RNF41: variants seen among roughly 807,000 people sequenced by gnomAD.
RNF41 encodes the protein E3 ubiquitin-protein ligase NRDP1.
Under a neutral mutation model 33.0 loss-of-function variants are expected in RNF41, and 4 were observed. That is an observed-to-expected ratio of 0.12 (90% CI 0.06 to 0.28). The LOEUF (loss-of-function observed/expected upper bound fraction) is 0.28. Among genes scored for constraint, RNF41 ranks in the 10% least tolerant of loss-of-function variants. RNF41 has a pLI of 1.00. For missense variants in RNF41, 228 were observed against 432.6 expected (o/e 0.53, Z 4.19); for synonymous variants, 164 against 153.2 (o/e 1.07, Z -0.52).
rs1401298548 is a variant in RNF41 at position 56,210,528 on chromosome 12, G to C, written c.131C>G (p.Thr44Ser). The change falls in exon 4 of 7, where the codon ACC (threonine) becomes AGC (serine). Residue 44 changes from threonine to serine, a missense_variant. This residue lies in a region of RNF41 where 29 missense variants were observed against 98.0 expected (regional missense o/e 0.30). Transcript: ENST00000345093. ...TGTCTGTTGCTGAGAGAACCACTGGGTGATGCAGGCGTTGCAGAAAGCATG... is the reference window on the plus strand; with the variant it reads ...TGTCTGTTGCTGAGAGAACCACTGGCTGATGCAGGCGTTGCAGAAAGCATG... Reference protein sequence around the residue: ...CEHAFCNACITQWFSQQQTCP... With the variant: ...CEHAFCNACISQWFSQQQTCP... 6.2e-7 allele frequency: 1 copy of C among 1,614,002 alleles called. No individual in the cohort carries two copies. The highest frequency in any genetic ancestry group is 8.5e-7 in the Non-Finnish European group (1 of 1,180,040).
chr12:56,215,847 C>T (rs187067030), intron 2 of RNF41, among the ~76,000 whole-genome samples: 1 of 152,044 alleles, frequency 6.6e-6, no homozygotes, highest in Non-Finnish European at 1.5e-5. Flanking sequence ...ACTGGCTGGG[C>T]GCAGTGGCTC....
intron 1 of RNF41, 37 bp downstream of exon 1, chr12:56,221,720 CCCT>C (rs1210935101): frequency 6.6e-6 from 1 of 152,402 alleles, no homozygotes; most frequent in Non-Finnish European, 1.5e-5. Flanking sequence ...CCCTCCCACA[CCCT>C]CTTTTAGGTG....
At chr12:56,221,077 T>C (rs1869374258) in intron 1 of RNF41, among the ~76,000 whole-genome samples, 1 of 152,008 alleles carries the variant, frequency 6.6e-6, no homozygotes, top group Admixed American at 6.6e-5. Flanking sequence ...GGGGAAGCAG[T>C]CTGTCAATCC....
At chr12:56,208,325 G>A (rs937602375) in intron 4 of RNF41, 27 bp from the exon 5 acceptor site, 3 of 1,612,440 alleles carry the variant, frequency 1.9e-6, no homozygotes, top group Non-Finnish European at 2.5e-6. Flanking sequence ...GGAAAGAGCA[G>A]AACAGAGGTG....
At chr12:56,218,015 G>A (rs761527827) in intron 1 of RNF41, among the ~76,000 whole-genome samples, 3 of 152,062 alleles carry the variant, frequency 2.0e-5, no homozygotes, top group Non-Finnish European at 4.4e-5. Flanking sequence ...GTGCAATGGC[G>A]CGATCTTGGC....
At chr12:56,215,144 T>C (rs1326165158) in intron 2 of RNF41, among the ~76,000 whole-genome samples, 2 of 151,996 alleles carry the variant, frequency 1.3e-5, no homozygotes, top group Admixed American at 6.6e-5. Flanking sequence ...GAATTTCAAG[T>C]GATTCAAGAA....
rs1355462038 is a variant in RNF41, at chr12:56,210,536, G to A, written c.123C>T (p.Ala41=). Residue 41 remains alanine, a synonymous_variant, in exon 4 of 7, where the codon GCC becomes GCT. Transcript: ENST00000345093. ...APHCEHAFCN[A]CITQWFSQQQ... Reference sequence around the variant, plus strand: ...GCTGAGAGAACCACTGGGTGATGCAGGCGTTGCAGAAAGCATGTTCACAAT... The same window carrying A: ...GCTGAGAGAACCACTGGGTGATGCAAGCGTTGCAGAAAGCATGTTCACAAT... 2 of 1,613,712 alleles carry A rather than the reference G, an allele frequency of 1.2e-6. No individual in the cohort carries two copies. Among genetic ancestry groups the A allele is most frequent in the Non-Finnish European group, 1.7e-6 (2 of 1,180,038 alleles).
chr12:56,206,805 G>A lies in RNF41; in HGVS notation c.603-7C>T, dbSNP rs780074577. On this transcript the variant is annotated splice_region_variant and splice_polypyrimidine_tract_variant and intron_variant, in intron 6 of 6. Transcript: ENST00000345093. This position sits in a 1 kb window ranked among gnomAD's most constrained non-coding sequence, Gnocchi z 5.7. ...CTGAAGGGAGTTCACCCACCTGTGT[G>A]GAGGTGGTTAAAGATGGTCATTCCA... 2.5e-6 allele frequency: 4 copies of A among 1,599,728 alleles called. No individual in the cohort carries two copies. Among genetic ancestry groups the A allele is most frequent in the South Asian group, 2.2e-5 (2 of 90,216 alleles).
At chr12:56,216,177 G>C (rs111513197) in intron 2 of RNF41, among the ~76,000 whole-genome samples, 1 of 150,876 alleles carries the variant, frequency 6.6e-6, no homozygotes, top group African/African-American at 2.4e-5. Context: ...GTGTAGGCTT[G>C]AGCCCAATGA....
intron 5 of RNF41, 133 bp downstream of exon 5, chr12:56,208,030 G>A: frequency 9.1e-7 from 1 of 1,104,936 alleles, no homozygotes; most frequent in South Asian, 1.4e-5. Flanking sequence ...CTAAGCCACA[G>A]GCAGAATATC....
chr12:56,207,296 T>C (rs1202379127), intron 6 of RNF41: 2 of 1,344,288 alleles, frequency 1.5e-6, no homozygotes, highest in African/African-American at 1.5e-5. Flanking sequence ...TCCTCTTCTC[T>C]GGGTTGTAAG....
intron 1 of RNF41, among the ~76,000 whole-genome samples, chr12:56,218,712 A>AT (rs1027649162): frequency 2.4e-4 from 35 of 145,830 alleles, no homozygotes; most frequent in Admixed American, 6.2e-4. Context: ...TATATATGTT[A>AT]TTTTTTTTTT....
chr12:56,220,056 A>C (rs35382885), intron 1 of RNF41, among the ~76,000 whole-genome samples: 3,126 of 148,880 alleles, frequency 0.021, 104 homozygotes, highest in African/African-American at 0.074. Context: ...TAAATAAATA[A>C]ATATGAAAGG....
chr12:56,216,824 A>T (rs997436662), intron 1 of RNF41, among the ~76,000 whole-genome samples: 2 of 152,192 alleles, frequency 1.3e-5, no homozygotes, highest in Non-Finnish European at 2.9e-5. Flanking sequence ...GTAGATTTGA[A>T]CATAGCTGGG....
intron 1 of RNF41, among the ~76,000 whole-genome samples, chr12:56,219,658 T>TACAC (rs374004116): frequency 0.89 from 133,819 of 150,944 alleles, 61,046 homozygotes; most frequent in East Asian, 1. Context: ...TGTGTGTGTA[T>TACAC]ATATGTGTAT....
At chr12:56,220,627 A>C (rs1156395931) in intron 1 of RNF41, among the ~76,000 whole-genome samples, 1 of 151,748 alleles carries the variant, frequency 6.6e-6, no homozygotes, top group South Asian at 2.1e-4. Flanking sequence ...CCAGCTATTC[A>C]AGAGGCTGAG....
chr12:56,206,706 G>A lies in RNF41; in HGVS notation c.695C>T (p.Ser232Phe). The change falls in exon 7 of 7, where the codon TCC becomes TTC. Residue 232 changes from serine (S) to phenylalanine (F), a missense_variant. Ser to Phe is a radical substitution (Grantham distance 155). Coordinates refer to ENST00000345093, the MANE Select transcript of RNF41 (RefSeq NM_005785.4). The surrounding 1 kb of genome is among the most constrained non-coding windows in gnomAD (Gnocchi z 5.7). ...AGCAGGACAGCCACTCTCCACCAGG[G>A]AGCGCTTGATTACAGCCTGGAGCAC... ...DAVLQAVIKR[S>F]LVESGCPASI... The A allele has an allele frequency of 6.2e-7, 1 of 1,614,120 alleles. No individual in the cohort carries two copies. The highest frequency in any genetic ancestry group is 8.5e-7 in the Non-Finnish European group (1 of 1,180,024).
rs747957916 is a variant in RNF41 at position 56,207,662 on chromosome 12, A to G, written c.586T>C (p.Tyr196His). The part of the protein sequence containing the change: ...NLQNLEETIE[Y>H]NEILEWVNSL... The stretch of plus-strand genomic sequence containing the variant: ...GACACTCACTCTAGGATCTCGTTGT[A>G]TTCAATTGTCTCCTCCAGGTTCTGA... The change falls in exon 6 of 7, where the codon TAC (tyrosine) becomes CAC (histidine). Residue 196 changes from tyrosine to histidine, a missense_variant. Coordinates refer to ENST00000345093, the MANE Select transcript of RNF41 (RefSeq NM_005785.4). 2.3e-5 allele frequency: 37 copies of G among 1,613,056 alleles called. No individual in the cohort carries two copies. The highest frequency in any genetic ancestry group is 2.8e-5 in the Non-Finnish European group (33 of 1,179,158).
chr12:56,214,379 G>A (rs774809907), intron 2 of RNF41, among the ~76,000 whole-genome samples: 1 of 151,216 alleles, frequency 6.6e-6, no homozygotes, highest in Non-Finnish European at 1.5e-5. Flanking sequence ...AAATTAGCTG[G>A]GTGTGGTATG....
Sources: allele counts gnomAD v4.1 joint callset (sites outside exome capture counted in the v4.1 genomes callset), GRCh38; gene constraint gnomAD v4.1.1; regional missense constraint gnomAD v4.1.1; non-coding constraint Gnocchi (gnomAD v3.1); transcripts MANE v1.5; gene names NCBI Gene and HGNC (gene_info 2026-07-23, HGNC 2026-07-21).